The following AP3B1 variants were observed in gnomAD, a reference collection of about 807,000 sequenced individuals.
The protein encoded by AP3B1 is adaptor related protein complex 3 subunit beta 1, also known as AP-3 complex subunit beta-1.
Under a neutral mutation model 132.5 loss-of-function variants are expected in AP3B1, and 61 were observed. The observed-to-expected ratio is 0.46, with a 90% confidence interval of 0.37 to 0.57. The LOEUF is 0.57. Among genes scored for constraint, AP3B1 ranks in the 20% least tolerant of loss-of-function variants. The pLI, the probability that AP3B1 is intolerant of heterozygous loss-of-function variation, is 0.00. For missense variants in AP3B1, 1,120 were observed against 1,289.4 expected (o/e 0.87, Z 2.01); for synonymous variants, 388 against 438.3 (o/e 0.89, Z 1.43).
At position 78,173,247 on chromosome 5, in the gene AP3B1, G is replaced by C. The variant is rs532693935; in HGVS notation, c.1167+2379C>G. Among the ~76,000 whole-genome samples the C allele has an allele frequency of 3.9e-4, 60 of 152,312 alleles. 1 individual carries two copies. The highest frequency in any genetic ancestry group is 1.4e-3 in the African/African-American group (59 of 41,572). Reference sequence around the variant, plus strand: ...ATGTATATTCTGTTGATTTGGGATGGAGGGTTCTGTAGATGTCTATTAGGT... The same window carrying C: ...ATGTATATTCTGTTGATTTGGGATGCAGGGTTCTGTAGATGTCTATTAGGT... On this transcript the variant is annotated intron_variant, in intron 11 of 26. Transcript: ENST00000255194.
At chr5:78,129,340 C>G in intron 15 of AP3B1, 33 bp from the exon 16 acceptor site, 1 of 1,507,900 alleles carries the variant, frequency 6.6e-7, no homozygotes, top group Non-Finnish European at 9.2e-7. Context: ...GATGAGAATA[C>G]AGTTATTTAT....
intron 1 of AP3B1, among the ~76,000 whole-genome samples, chr5:78,283,701 C>T (rs1042529513): frequency 2.6e-5 from 4 of 152,126 alleles, no homozygotes; most frequent in African/African-American, 7.2e-5. Context: ...AGATCCAAAA[C>T]GGACCTCAAC....
At chr5:78,044,511 A>G (rs1748238238) in intron 22 of AP3B1, among the ~76,000 whole-genome samples, 1 of 152,270 alleles carries the variant, frequency 6.6e-6, no homozygotes, top group South Asian at 2.1e-4. Context: ...ATTCATAAAA[A>G]GTTGGCCTAC....
chr5:78,238,015 G>A (rs1251237402), intron 3 of AP3B1, among the ~76,000 whole-genome samples: 1 of 152,156 alleles, frequency 6.6e-6, no homozygotes, highest in African/African-American at 2.4e-5. Context: ...ACACACCTAG[G>A]ATATATGACA....
At chr5:78,063,795 G>C (rs1454860218) in intron 22 of AP3B1, among the ~76,000 whole-genome samples, 2 of 152,064 alleles carry the variant, frequency 1.3e-5, no homozygotes, top group Non-Finnish European at 2.9e-5. Flanking sequence ...TAAAAGCTTG[G>C]ATCAATGAGG....
chr5:78,179,295 G>A (rs1388033428), intron 8 of AP3B1, among the ~76,000 whole-genome samples: 1 of 152,096 alleles, frequency 6.6e-6, no homozygotes, highest in Non-Finnish European at 1.5e-5. Context: ...CAATCCTACT[G>A]GCAAGAAAGC....
intron 11 of AP3B1, among the ~76,000 whole-genome samples, chr5:78,166,909 G>A (rs533497649): frequency 6.6e-5 from 10 of 152,168 alleles, no homozygotes; most frequent in Admixed American, 1.3e-4. Context: ...AGATAACATC[G>A]GAAAAACCCT....
intron 14 of AP3B1, among the ~76,000 whole-genome samples, chr5:78,155,324 G>A (rs925125216): frequency 1.3e-5 from 2 of 152,180 alleles, no homozygotes; most frequent in Non-Finnish European, 2.9e-5. Context: ...AGAAAGCGGT[G>A]ACACCGGCAA....
At chr5:78,179,686 T>C (rs1333957190) in intron 8 of AP3B1, among the ~76,000 whole-genome samples, 1 of 152,184 alleles carries the variant, frequency 6.6e-6, no homozygotes, top group Non-Finnish European at 1.5e-5. Flanking sequence ...AACATTCCGC[T>C]TTCAGTATCT....
intron 1 of AP3B1, among the ~76,000 whole-genome samples, chr5:78,281,969 G>A (rs1749077050): frequency 6.6e-6 from 1 of 152,038 alleles, no homozygotes; most frequent in South Asian, 2.1e-4. Context: ...AAAAATAAAA[G>A]AGAAACTACT....
chr5:78,109,974 C>A (rs377021219), intron 20 of AP3B1, among the ~76,000 whole-genome samples: 4 of 152,072 alleles, frequency 2.6e-5, no homozygotes, highest in Admixed American at 2.6e-4. Context: ...CAAAACCCCC[C>A]CCTTGTCACA....
chr5:78,158,328 G>A (rs1273362524), intron 13 of AP3B1, among the ~76,000 whole-genome samples: 4 of 152,046 alleles, frequency 2.6e-5, no homozygotes, highest in Admixed American at 6.6e-5. Context: ...GTTGTGGCAC[G>A]TGCCTATAGT....
chr5:78,123,217 A>T (rs889547468), intron 17 of AP3B1, among the ~76,000 whole-genome samples: 2 of 152,220 alleles, frequency 1.3e-5, no homozygotes, highest in African/African-American at 4.8e-5. Context: ...TAAAGACTTA[A>T]ATGTTAGATC....
chr5:78,175,956 T>C, intron 9 of AP3B1, 118 bp from the exon 10 acceptor site: 1 of 840,830 alleles, frequency 1.2e-6, no homozygotes, highest in East Asian at 2.4e-5. Context: ...CTCTTAAATG[T>C]AATAATGAAA....
intron 22 of AP3B1, among the ~76,000 whole-genome samples, chr5:78,071,499 C>T (rs1749543231): frequency 6.6e-6 from 1 of 152,108 alleles, no homozygotes; most frequent in Non-Finnish European, 1.5e-5. Context: ...CAGCAAACCA[C>T]CACAGCACAT....
chr5:78,193,600 TTC>T (rs1349518302), intron 7 of AP3B1, among the ~76,000 whole-genome samples: 5 of 149,930 alleles, frequency 3.3e-5, no homozygotes, highest in African/African-American at 7.3e-5. Flanking sequence ...TTTAGAAATA[TTC>T]TGTTTTTAGT....
chr5:78,156,055 C>T (rs944009939), intron 14 of AP3B1, among the ~76,000 whole-genome samples: 2 of 152,166 alleles, frequency 1.3e-5, no homozygotes, highest in Non-Finnish European at 2.9e-5. Context: ...CAATTCCAAT[C>T]TAATACCACG....
intron 22 of AP3B1, among the ~76,000 whole-genome samples, chr5:78,054,117 A>AG (rs1748705907): frequency 1.3e-5 from 2 of 152,214 alleles, no homozygotes; most frequent in Admixed American, 1.3e-4. Context: ...GGAGGCATGA[A>AG]GGGCCTGAGG....
intron 22 of AP3B1, among the ~76,000 whole-genome samples, chr5:78,063,817 A>C (rs958306702): frequency 1.3e-5 from 2 of 152,226 alleles, no homozygotes; most frequent in African/African-American, 4.8e-5. Context: ...TAAAGTGTAC[A>C]TCAAATAAAA....
Sources: allele counts gnomAD v4.1 joint callset (sites outside exome capture counted in the v4.1 genomes callset), GRCh38; gene constraint gnomAD v4.1.1; transcripts MANE v1.5; gene names NCBI Gene and HGNC (gene_info 2026-07-23, HGNC 2026-07-21).